The following ORC3 variants were observed in gnomAD, a reference collection of about 807,000 sequenced individuals.
ORC3 encodes the protein homolog of latheo, Drosophila.
A neutral mutation model predicts 100.7 loss-of-function variants in ORC3; 78 were observed. That is an observed-to-expected ratio of 0.77 (90% confidence interval 0.65 to 0.94). The LOEUF (loss-of-function observed/expected upper bound fraction) is 0.94. ORC3 is among the 40% of genes least tolerant of loss of function. ORC3 has a pLI of 0.00. For missense variants in ORC3, 789 were observed against 823.9 expected (o/e 0.96, Z 0.52); for synonymous variants, 295 against 289.3 (o/e 1.02, Z -0.20).
intron 13 of ORC3, among the ~76,000 whole-genome samples, chr6:87,648,293 G>C (rs1039148790): frequency 6.6e-6 from 1 of 152,140 alleles, no homozygotes; most frequent in Non-Finnish European, 1.5e-5. Context: ...GTATTTTTCT[G>C]ATATTACCCC....
chr6:87,604,417 A>T (rs1349040195), intron 4 of ORC3, among the ~76,000 whole-genome samples: 1 of 152,156 alleles, frequency 6.6e-6, no homozygotes, highest in Non-Finnish European at 1.5e-5. Flanking sequence ...CACTAATAAG[A>T]CTCAAGGGAA....
rs768070611 is a variant in ORC3 at position 87,656,878 on chromosome 6, A to T, written c.1517-28A>T. The T allele has an allele frequency of 6.6e-6, 10 of 1,522,174 alleles. No homozygotes were observed. The African/African-American group carries it at 1.2e-4, about 19-fold the overall frequency. The allele number at this position is 1,522,174 out of a possible 1,614,324, so 94.3% of individuals were successfully genotyped here. ...CCTTGACTTGGATTTACCCTCATTG[A>T]TGTCTACTGGTTTTGTATTAAAAGC... On this transcript the variant is annotated intron_variant, in intron 14 of 19. Coordinates refer to ENST00000392844, the MANE Select transcript of ORC3 (RefSeq NM_012381.4).
At chr6:87,649,016 T>C (rs1461669346) in intron 13 of ORC3, among the ~76,000 whole-genome samples, 2 of 152,274 alleles carry the variant, frequency 1.3e-5, no homozygotes. Context: ...CCCTACACTT[T>C]TGCTGCTGCT....
chr6:87,605,605 G>A (rs1778272964), intron 4 of ORC3, among the ~76,000 whole-genome samples: 2 of 151,476 alleles, frequency 1.3e-5, no homozygotes, highest in Non-Finnish European at 2.9e-5. Flanking sequence ...AGCTGAGATT[G>A]AGCTGCTGCA....
chr6:87,647,758 G>GA (rs373815767), intron 13 of ORC3, among the ~76,000 whole-genome samples: 1 of 152,272 alleles, frequency 6.6e-6, no homozygotes, highest in Non-Finnish European at 1.5e-5. Context: ...CAAAGGAGTT[G>GA]AAACCCAGTT....
At chr6:87,642,406 C>T (rs764893622) in intron 13 of ORC3, among the ~76,000 whole-genome samples, 47 of 152,140 alleles carry the variant, frequency 3.1e-4, no homozygotes, top group Middle Eastern at 6.8e-3. Context: ...GCCTGGCCAA[C>T]GTGGTGAAAC....
chr6:87,607,564 C>T, intron 5 of ORC3, 109 bp from the exon 6 acceptor site: 4 of 692,290 alleles, frequency 5.8e-6, no homozygotes, highest in Non-Finnish European at 8.6e-6. Flanking sequence ...TATAAAAAAA[C>T]ACATTCTACC....
intron 8 of ORC3, among the ~76,000 whole-genome samples, chr6:87,614,258 T>G (rs1778993059): frequency 6.6e-6 from 1 of 152,200 alleles, no homozygotes; most frequent in South Asian, 2.1e-4. Context: ...GTTGGCCCTT[T>G]TCAGCCACAG....
chr6:87,675,839 C>T, the ORC3 span: 1 of 1,606,042 alleles, frequency 6.2e-7, no homozygotes, highest in Non-Finnish European at 8.5e-7. Flanking sequence ...CAGTTTATAA[C>T]TTCAAAGGTG....
At chr6:87,642,845 T>C (rs994005571) in intron 13 of ORC3, among the ~76,000 whole-genome samples, 2 of 151,528 alleles carry the variant, frequency 1.3e-5, no homozygotes, top group African/African-American at 4.9e-5. Flanking sequence ...GAGCTTGCAG[T>C]GAGCCGAGAT....
chr6:87,675,760 TTTG>T, the ORC3 span: 1 of 1,463,382 alleles, frequency 6.8e-7, no homozygotes, highest in East Asian at 2.3e-5. Flanking sequence ...TCTCAGTAAT[TTTG>T]TTGAATTCTC....
chr6:87,593,973 G>A (rs1472761939), intron 1 of ORC3, among the ~76,000 whole-genome samples: 1 of 152,258 alleles, frequency 6.6e-6, no homozygotes, highest in African/African-American at 2.4e-5. Context: ...GGGATTACAG[G>A]CATGAGCCAC....
At position 87,591,261 on chromosome 6, in the gene ORC3, T is replaced by C. The variant is rs558928243; in HGVS notation, c.24+1069T>C. Among the ~76,000 whole-genome samples, 9 of 152,310 alleles carry C rather than the reference T, an allele frequency of 5.9e-5. No individual in the cohort carries two copies. The East Asian group carries it at 1.7e-3, about 29-fold the overall frequency. On this transcript the variant is annotated intron_variant, in intron 1 of 19. Transcript: ENST00000392844. The stretch of plus-strand genomic sequence containing the variant: ...TATTGTAAGTGCAGCGGGAAGCCCC[T>C]GAAGTTAAGCTGTCTGAGAAAGCTG...
At chr6:87,650,824 A>G (rs185105789) in intron 13 of ORC3, 113 of 230,342 alleles carry the variant, frequency 4.9e-4, no homozygotes, top group Middle Eastern at 3.6e-3. Context: ...CCTGACCAAT[A>G]TGGTGAAACC....
At chr6:87,591,236 T>C (rs1464921273) in intron 1 of ORC3, among the ~76,000 whole-genome samples, 1 of 152,214 alleles carries the variant, frequency 6.6e-6, no homozygotes, top group Non-Finnish European at 1.5e-5. Context: ...CCTTGAGTTC[T>C]ATTGTAAGTG....
intron 13 of ORC3, among the ~76,000 whole-genome samples, chr6:87,643,454 CAATG>C (rs1768442312): frequency 6.7e-6 from 1 of 149,172 alleles, no homozygotes; most frequent in African/African-American, 2.5e-5. Context: ...TTGAGGAAAA[CAATG>C]AAGCCATCAA....
chr6:87,614,424 T>C (rs9444525), intron 8 of ORC3, among the ~76,000 whole-genome samples: 94,797 of 152,084 alleles, frequency 0.62, 30,699 homozygotes, highest in African/African-American at 0.8. Flanking sequence ...AGATATTTTC[T>C]CCATTGTTTT....
At chr6:87,653,342 T>TAAA in intron 14 of ORC3, 93 bp downstream of exon 14, 1 of 1,164,386 alleles carries the variant, frequency 8.6e-7, no homozygotes, top group East Asian at 2.4e-5. Flanking sequence ...TGCTTAGAGA[T>TAAA]AAAGAGATAA....
intron 11 of ORC3, among the ~76,000 whole-genome samples, chr6:87,631,517 G>A (rs1767406588): frequency 6.6e-6 from 1 of 151,654 alleles, no homozygotes; most frequent in Non-Finnish European, 1.5e-5. Context: ...TTTTGAGATG[G>A]AATCTCACTC....
Sources: allele counts gnomAD v4.1 joint callset (sites outside exome capture counted in the v4.1 genomes callset), GRCh38; gene constraint gnomAD v4.1.1; transcripts MANE v1.5; gene names NCBI Gene and HGNC (gene_info 2026-07-23, HGNC 2026-07-21).